Variants in CXADR observed in about 807,000 individuals in gnomAD.
CXADR encodes coxsackievirus and adenovirus receptor.
In CXADR, 20 loss-of-function variants were observed where a neutral mutation model predicts 40.3. The observed-to-expected ratio is 0.50, with a 90% CI of 0.35 to 0.72. The LOEUF (loss-of-function observed/expected upper bound fraction) is 0.72. Among genes scored for constraint, CXADR ranks in the 30% least tolerant of loss-of-function variants. The probability of loss-of-function intolerance (pLI) is 0.01; values close to 1 mark genes in which losing one functional copy is unlikely to be tolerated. For missense variants in CXADR, 332 were observed against 449.1 expected, an observed-to-expected ratio of 0.74 and a Z score of 2.36; for synonymous variants, 150 against 161.3, an observed-to-expected ratio of 0.93 and a Z score of 0.53.
the CXADR span, among the ~76,000 whole-genome samples, chr21:17,622,253 G>C: frequency 2.0e-5 from 3 of 152,126 alleles, no homozygotes; most frequent in Non-Finnish European, 4.4e-5. Flanking sequence ...CCAATAAAAT[G>C]TTACCGTAAA....
At chr21:17,599,499 C>T in the CXADR span, among the ~76,000 whole-genome samples, 2 of 112,000 alleles carry the variant, frequency 1.8e-5, no homozygotes, top group South Asian at 2.8e-4. Flanking sequence ...TTTTTTGAGA[C>T]GGAGTCTCAC....
chr21:17,588,710 TTAATAAA>T (rs2061414591), intron 7 of CXADR, among the ~76,000 whole-genome samples: 1 of 152,140 alleles, frequency 6.6e-6, no homozygotes, highest in African/African-American at 2.4e-5. Flanking sequence ...AGAGTATGTA[TTAATAAA>T]TAATGTAAAA....
chr21:17,558,094 T>A (rs2846882), intron 3 of CXADR, among the ~76,000 whole-genome samples: 93,155 of 149,930 alleles, frequency 0.62, 29,071 homozygotes, highest in Middle Eastern at 0.7. Flanking sequence ...TTTTTTTTTT[T>A]AATTAAATAT....
intron 1 of CXADR, among the ~76,000 whole-genome samples, chr21:17,529,874 G>C (rs1192138349): frequency 6.6e-6 from 1 of 151,972 alleles, no homozygotes; most frequent in African/African-American, 2.4e-5. Flanking sequence ...TCCGGAAATA[G>C]AACCCAACCC....
the CXADR span, among the ~76,000 whole-genome samples, chr21:17,634,626 C>T: frequency 6.6e-6 from 1 of 152,164 alleles, no homozygotes; most frequent in Non-Finnish European, 1.5e-5. Context: ...GGTGGTATTC[C>T]ATGCCTATGA....
intron 4 of CXADR, among the ~76,000 whole-genome samples, chr21:17,560,222 A>G (rs145455828): frequency 1.9e-3 from 285 of 152,274 alleles, no homozygotes; most frequent in African/African-American, 6.4e-3. Context: ...CCCGCCATCC[A>G]CTGCATCCTG....
At chr21:17,628,717 G>C in the CXADR span, among the ~76,000 whole-genome samples, 1 of 152,156 alleles carries the variant, frequency 6.6e-6, no homozygotes, top group African/African-American at 2.4e-5. Flanking sequence ...TGGCCAGACT[G>C]GTCTCGAACT....
the CXADR span, chr21:17,612,099 G>A: frequency 4.6e-5 from 7 of 152,374 alleles, no homozygotes; most frequent in African/African-American, 7.2e-5. Context: ...TAGGTGAGGA[G>A]GGATCAAACA....
chr21:17,566,771 G>A lies in CXADR; in HGVS notation c.*1079G>A, dbSNP rs1043550936. 6 of 964,492 alleles carry A rather than the reference G, an allele frequency of 6.2e-6. No individual in the cohort carries two copies. In the Admixed American group the frequency reaches 2.5e-4, roughly 40 times the overall value. The allele number at this position is 964,492 out of a possible 1,614,324, so 59.7% of individuals were successfully genotyped here. On this transcript the variant is annotated 3_prime_UTR_variant, in exon 7 of 7. Transcript: ENST00000284878. ...CTGGATGATATTTTTTATCATAAAT[G>A]CAGAATAATCAAATACATTTTAAGC...
intron 1 of CXADR, among the ~76,000 whole-genome samples, chr21:17,539,011 C>T (rs2060794768): frequency 6.6e-6 from 1 of 152,052 alleles, no homozygotes; most frequent in Admixed American, 6.6e-5. Context: ...ACATAGTATG[C>T]TTTGAATGAG....
downstream of CXADR, chr21:17,594,088 C>A (rs74382701): frequency 1.3e-5 from 21 of 1,611,318 alleles, no homozygotes; most frequent in Non-Finnish European, 3.4e-6. Flanking sequence ...CAATCAAAAA[C>A]GAAGTTAGTG....
Position 17,540,178 on chromosome 21 carries a change from G to C in CXADR, c.44-6849G>C, listed in dbSNP as rs9983335. Among the ~76,000 whole-genome samples, 1,287 of 152,118 alleles carry C rather than the reference G, an allele frequency of 8.5e-3. 23 individuals carry two copies. The highest frequency in any genetic ancestry group is 0.03 in the African/African-American group (1,232 of 41,484). On this transcript the variant is annotated intron_variant, in intron 1 of 6. Coordinates refer to ENST00000284878, the MANE Select transcript of CXADR (RefSeq NM_001338.5). The stretch of plus-strand genomic sequence containing the variant: ...TCTTAAGCGGATGTCAGTTCCTTCT[G>C]TTCTGGGCTCTATGCTATGGCCTCA...
At chr21:17,540,093 A>G (rs1175225773) in intron 1 of CXADR, among the ~76,000 whole-genome samples, 1 of 152,164 alleles carries the variant, frequency 6.6e-6, no homozygotes, top group Non-Finnish European at 1.5e-5. Flanking sequence ...CCTGGCTGGT[A>G]GACAGCTGCC....
chr21:17,572,261 T>C (rs66941380), downstream of CXADR, among the ~76,000 whole-genome samples: 38,093 of 66,472 alleles, frequency 0.57, 5,249 homozygotes, highest in East Asian at 0.64. Flanking sequence ...ATCCTAACTA[T>C]CTGGGAGGCT....
the CXADR span, among the ~76,000 whole-genome samples, chr21:17,608,517 A>G: frequency 3.9e-5 from 6 of 152,138 alleles, no homozygotes; most frequent in Admixed American, 6.5e-5. Flanking sequence ...TATTAACGAC[A>G]TATCAGGTGT....
chr21:17,513,390 G>A (rs547428984), intron 1 of CXADR, among the ~76,000 whole-genome samples: 11 of 152,034 alleles, frequency 7.2e-5, no homozygotes, highest in Non-Finnish European at 1.5e-4. Context: ...CGCGCGGAGT[G>A]CCCGGGGACG....
intron 7 of CXADR, among the ~76,000 whole-genome samples, chr21:17,578,167 A>G (rs2061335259): frequency 6.6e-6 from 1 of 152,130 alleles, no homozygotes; most frequent in Admixed American, 6.5e-5. Context: ...ATCATAGGGT[A>G]GTTCTATTTT....
chr21:17,631,322 A>G, the CXADR span, among the ~76,000 whole-genome samples: 1 of 152,140 alleles, frequency 6.6e-6, no homozygotes, highest in Non-Finnish European at 1.5e-5. Flanking sequence ...TGAACTGAAA[A>G]TGTCTGCTCT....
chr21:17,573,305 G>A (rs1045479016), downstream of CXADR, among the ~76,000 whole-genome samples: 2 of 152,096 alleles, frequency 1.3e-5, no homozygotes, highest in Non-Finnish European at 2.9e-5. Context: ...AGATTCTAGG[G>A]AATCTGAGAC....
Sources: gnomAD v4.1 joint callset for allele counts (sites outside exome capture counted in the v4.1 genomes callset) on GRCh38, gnomAD v4.1.1 for gene constraint, MANE v1.5 for transcripts, NCBI Gene and HGNC (gene_info 2026-07-23, HGNC 2026-07-21) for gene names.